The following FLI1 variants were observed in gnomAD, a reference collection of about 807,000 sequenced individuals.
FLI1 encodes Fli-1 proto-oncogene, ETS transcription factor, also known as Friend leukemia integration 1 transcription factor.
In FLI1, 13 loss-of-function variants were observed where a neutral mutation model predicts 53.1. The ratio of observed to expected loss-of-function variants is 0.24; its 90% confidence interval spans 0.16 to 0.39. The LOEUF is 0.39. Among genes scored for constraint, FLI1 ranks in the 10% least tolerant of loss-of-function variants. FLI1 has a pLI of 1.00. For missense variants in FLI1, 424 were observed against 600.5 expected (o/e 0.71, Z 3.07); for synonymous variants, 244 against 236.7 (o/e 1.03, Z -0.28).
intron 5 of FLI1, among the ~76,000 whole-genome samples, chr11:128,794,552 G>A (rs1049706523): frequency 6.6e-6 from 1 of 152,128 alleles, no homozygotes; most frequent in African/African-American, 2.4e-5. Flanking sequence ...CCAATGTATA[G>A]GAAACATCAT....
chr11:128,762,729 G>A (rs1280868807), intron 2 of FLI1, among the ~76,000 whole-genome samples: 6 of 152,244 alleles, frequency 3.9e-5, no homozygotes, highest in South Asian at 2.1e-4. Flanking sequence ...AGGCCAAGGC[G>A]GCGGATCACC....
At chr11:128,716,443 C>A (rs1424989903) in intron 1 of FLI1, among the ~76,000 whole-genome samples, 1 of 152,164 alleles carries the variant, frequency 6.6e-6, no homozygotes, top group African/African-American at 2.4e-5. Context: ...TTTTCTCCAA[C>A]CTCTGTTTTC....
chr11:128,714,133 C>T (rs1938905020), intron 1 of FLI1, among the ~76,000 whole-genome samples: 1 of 146,644 alleles, frequency 6.8e-6, no homozygotes, highest in African/African-American at 2.5e-5. Context: ...TTCTAGGAGG[C>T]TGAATTCCAC....
intron 1 of FLI1, among the ~76,000 whole-genome samples, chr11:128,750,241 C>A (rs1324894506): frequency 1.3e-5 from 2 of 152,146 alleles, no homozygotes; most frequent in Non-Finnish European, 2.9e-5. Flanking sequence ...TTTTGACATT[C>A]CTTTCACCAG....
chr11:128,706,882 T>C lies in FLI1; in HGVS notation c.18+12606T>C, dbSNP rs368346278. Reference sequence around the variant, plus strand: ...GGAAGAGGGTAAACAACAAAACAAATGTAGCTCTTCTGGCAAGAGGCATTT... The same window carrying C: ...GGAAGAGGGTAAACAACAAAACAAACGTAGCTCTTCTGGCAAGAGGCATTT... On this transcript the variant is annotated intron_variant, in intron 1 of 8. Coordinates refer to ENST00000527786, the MANE Select transcript of FLI1 (RefSeq NM_002017.5). 3.3e-3 allele frequency among the ~76,000 whole-genome samples: 508 copies of C among 152,320 alleles called. 1 individual carries two copies. The highest frequency in any genetic ancestry group is 0.012 in the African/African-American group (485 of 41,564).
At chr11:128,685,708 CAAAAAAAAAAAAAAAAAA>C (rs5795633), upstream of FLI1, among the ~76,000 whole-genome samples, 1 of 57,628 alleles carries the variant, frequency 1.7e-5, no homozygotes, top group Admixed American at 2.2e-4. Context: ...CTTGAGGAGC[CAAAAAAAAAAAAAAAAAA>C]AAAAAAAAGC....
At chr11:128,748,590 G>A (rs867761410) in intron 1 of FLI1, among the ~76,000 whole-genome samples, 5 of 151,856 alleles carry the variant, frequency 3.3e-5, no homozygotes, top group South Asian at 2.1e-4. Context: ...CTGAGATCGC[G>A]CCTCTGCACT....
intron 1 of FLI1, among the ~76,000 whole-genome samples, chr11:128,716,938 A>T (rs566956556): frequency 1.3e-5 from 2 of 152,302 alleles, no homozygotes; most frequent in East Asian, 3.9e-4. Context: ...CACTGTGGGC[A>T]TGGGCACATT....
chr11:128,793,688 C>T (rs1446222735), intron 5 of FLI1, among the ~76,000 whole-genome samples: 1 of 152,212 alleles, frequency 6.6e-6, no homozygotes, highest in Non-Finnish European at 1.5e-5. Context: ...TCAGAGCTGC[C>T]CTTAAATGCA....
chr11:128,755,813 T>C (rs1940835541), intron 1 of FLI1, among the ~76,000 whole-genome samples: 2 of 152,224 alleles, frequency 1.3e-5, no homozygotes, highest in African/African-American at 4.8e-5. Context: ...CTGCTTTGAA[T>C]GTATGTCTGG....
At chr11:128,716,451 T>C (rs1939018903) in intron 1 of FLI1, among the ~76,000 whole-genome samples, 1 of 152,194 alleles carries the variant, frequency 6.6e-6, no homozygotes, top group East Asian at 1.9e-4. Flanking sequence ...AACCTCTGTT[T>C]TCTAGAAGCC....
chr11:128,788,811 T>G (rs376749563), intron 5 of FLI1, among the ~76,000 whole-genome samples: 10 of 152,274 alleles, frequency 6.6e-5, no homozygotes, highest in African/African-American at 2.4e-4. Context: ...CTCTCCTCCA[T>G]TCATTCATTT....
chr11:128,729,652 G>A (rs1297758721), intron 1 of FLI1, among the ~76,000 whole-genome samples: 2 of 152,092 alleles, frequency 1.3e-5, no homozygotes, highest in South Asian at 2.1e-4. Flanking sequence ...TTTACCAGTC[G>A]TCATGTACAC....
At chr11:128,734,765 G>C (rs116039090) in intron 1 of FLI1, among the ~76,000 whole-genome samples, 3 of 152,176 alleles carry the variant, frequency 2.0e-5, no homozygotes, top group Admixed American at 6.5e-5. Flanking sequence ...CCATCAATCA[G>C]CAAATGTCCC....
intron 1 of FLI1, among the ~76,000 whole-genome samples, chr11:128,730,974 T>C (rs1365375808): frequency 6.6e-6 from 1 of 152,242 alleles, no homozygotes; most frequent in Non-Finnish European, 1.5e-5. Context: ...CCTTCTTCCT[T>C]CTCAGGTGGA....
At chr11:128,696,960 TC>T (rs1244290140) in intron 1 of FLI1, among the ~76,000 whole-genome samples, 1 of 152,182 alleles carries the variant, frequency 6.6e-6, no homozygotes, top group Non-Finnish European at 1.5e-5. Flanking sequence ...CTTGTTGCCC[TC>T]CTTATAAGTC....
rs1303895410 is a variant in FLI1 at position 128,791,783 on chromosome 11, GC to G, written c.655+9761del. ...ATCAGTCCCATCCCTGAACAAGGAA[GC>G]AAAACTGATAAAGAGCAGATTTCAA... On this transcript the variant is annotated intron_variant, in intron 5 of 8. Coordinates refer to ENST00000527786, the MANE Select transcript of FLI1 (RefSeq NM_002017.5). Among the ~76,000 whole-genome samples, 11 of 152,314 alleles carry G rather than the reference GC, an allele frequency of 7.2e-5. No individual in the cohort carries two copies. The East Asian group carries it at 2.1e-3, about 29-fold the overall frequency.
At chr11:128,728,166 G>A (rs1939557517) in intron 1 of FLI1, among the ~76,000 whole-genome samples, 1 of 152,256 alleles carries the variant, frequency 6.6e-6, no homozygotes, top group Non-Finnish European at 1.5e-5. Flanking sequence ...AGCAGGCCGG[G>A]GGCTAACGCT....
chr11:128,731,875 C>T (rs371705316), intron 1 of FLI1, among the ~76,000 whole-genome samples: 4 of 151,992 alleles, frequency 2.6e-5, no homozygotes, highest in South Asian at 2.1e-4. Flanking sequence ...TGGTGGCACA[C>T]GCCTGTAATT....
Sources: gnomAD v4.1 joint callset for allele counts (sites outside exome capture counted in the v4.1 genomes callset) on GRCh38, gnomAD v4.1.1 for gene constraint, MANE v1.5 for transcripts, NCBI Gene and HGNC (gene_info 2026-07-23, HGNC 2026-07-21) for gene names.